The following SGCZ variants were observed in gnomAD, a reference collection of about 807,000 sequenced individuals.
The protein encoded by SGCZ is sarcoglycan zeta.
A neutral mutation model predicts 41.3 loss-of-function variants in SGCZ; 40 were observed. That is an observed-to-expected ratio of 0.97 (90% CI 0.75 to 1.26). The LOEUF (loss-of-function observed/expected upper bound fraction) is 1.26. Ranked by LOEUF, SGCZ falls within the 50% of genes most tolerant of loss-of-function variation. The pLI, the probability that SGCZ is intolerant of heterozygous loss-of-function variation, is 0.00. For synonymous variants in SGCZ, 206 were observed against 137.5 expected (o/e 1.50, Z -3.49); for missense variants, 552 against 369.8 (o/e 1.49, Z -4.04).
intron 1 of SGCZ, among the ~76,000 whole-genome samples, chr8:15,016,020 T>C (rs1292948204): frequency 2.0e-5 from 3 of 152,122 alleles, no homozygotes; most frequent in African/African-American, 4.8e-5. Flanking sequence ...TTACATTCAT[T>C]TGACAGCCTT....
intron 3 of SGCZ, among the ~76,000 whole-genome samples, chr8:14,276,970 T>C (rs1800257507): frequency 6.6e-6 from 1 of 152,182 alleles, no homozygotes; most frequent in Non-Finnish European, 1.5e-5. Flanking sequence ...AACGGGGCCT[T>C]TTGGCCCCTA....
chr8:15,037,537 G>C (rs959086781), intron 1 of SGCZ, among the ~76,000 whole-genome samples: 1 of 152,114 alleles, frequency 6.6e-6, no homozygotes, highest in South Asian at 2.1e-4. Flanking sequence ...GGAAAATGTT[G>C]AAAGTTTTCC....
intron 2 of SGCZ, among the ~76,000 whole-genome samples, chr8:14,475,214 G>C (rs1801323888): frequency 6.6e-6 from 1 of 151,972 alleles, no homozygotes; most frequent in Non-Finnish European, 1.5e-5. Context: ...AAAATGTATA[G>C]TTTTATTTGC....
intron 4 of SGCZ, among the ~76,000 whole-genome samples, chr8:14,174,674 A>ACTGAC (rs1199267229): frequency 6.6e-6 from 1 of 152,156 alleles, no homozygotes; most frequent in Non-Finnish European, 1.5e-5. Flanking sequence ...TTAACCTAAT[A>ACTGAC]CTGACCTCTC....
chr8:14,233,244 T>C (rs1806636174), intron 4 of SGCZ, among the ~76,000 whole-genome samples: 1 of 151,976 alleles, frequency 6.6e-6, no homozygotes, highest in Non-Finnish European at 1.5e-5. Flanking sequence ...TTTTTAGCTA[T>C]TACTTCATCA....
intron 2 of SGCZ, among the ~76,000 whole-genome samples, chr8:14,396,445 A>G (rs1798922952): frequency 6.6e-6 from 1 of 152,146 alleles, no homozygotes; most frequent in African/African-American, 2.4e-5. Flanking sequence ...GAATTTGATC[A>G]CTTAGGCGTG....
intron 1 of SGCZ, chr8:14,879,401 G>C (rs1248900754): frequency 1.3e-5 from 2 of 151,862 alleles, no homozygotes; most frequent in Non-Finnish European, 2.9e-5. Flanking sequence ...ACTAATCATA[G>C]AACTAGAAAA....
intron 1 of SGCZ, among the ~76,000 whole-genome samples, chr8:15,024,501 A>G (rs977352558): frequency 6.6e-6 from 1 of 152,206 alleles, no homozygotes; most frequent in Non-Finnish European, 1.5e-5. Flanking sequence ...AAATTGAAGA[A>G]CTAGAGACAA....
At chr8:14,438,525 ATGCT>A (rs2117359700) in intron 2 of SGCZ, among the ~76,000 whole-genome samples, 1 of 152,146 alleles carries the variant, frequency 6.6e-6, no homozygotes, top group African/African-American at 2.4e-5. Context: ...AGACTTGTAC[ATGCT>A]TGGAGAACCT....
At chr8:14,414,277 T>A (rs1799438015) in intron 2 of SGCZ, among the ~76,000 whole-genome samples, 1 of 151,882 alleles carries the variant, frequency 6.6e-6, no homozygotes, top group South Asian at 2.1e-4. Context: ...TAATTCATTA[T>A]CAGTTGTTTA....
intron 2 of SGCZ, among the ~76,000 whole-genome samples, chr8:14,334,752 C>A (rs989131439): frequency 6.6e-6 from 1 of 152,052 alleles, no homozygotes; most frequent in Non-Finnish European, 1.5e-5. Context: ...GCCATCTGAA[C>A]AAACTATGGT....
chr8:14,333,643 C>T (rs991849300), intron 2 of SGCZ, among the ~76,000 whole-genome samples: 5 of 152,100 alleles, frequency 3.3e-5, no homozygotes, highest in Non-Finnish European at 7.4e-5. Flanking sequence ...GAGAAACACA[C>T]TGTGTCTAAT....
chr8:15,063,813 T>A (rs1167281529), intron 1 of SGCZ, among the ~76,000 whole-genome samples: 2 of 152,214 alleles, frequency 1.3e-5, no homozygotes, highest in East Asian at 3.8e-4. Flanking sequence ...TTAGTACTTT[T>A]AAAATTTAAC....
At chr8:14,770,464 A>G (rs1366416926) in intron 1 of SGCZ, among the ~76,000 whole-genome samples, 1 of 151,818 alleles carries the variant, frequency 6.6e-6, no homozygotes, top group Admixed American at 6.6e-5. Flanking sequence ...AGGTAAACTC[A>G]TGTATGATTG....
intron 1 of SGCZ, among the ~76,000 whole-genome samples, chr8:14,733,028 C>T (rs1338804777): frequency 2.0e-5 from 3 of 152,148 alleles, no homozygotes; most frequent in Non-Finnish European, 4.4e-5. Context: ...ACTGTGCTCT[C>T]AGGGACGCTC....
chr8:14,597,276 A>G (rs1805442039), intron 1 of SGCZ, among the ~76,000 whole-genome samples: 1 of 152,216 alleles, frequency 6.6e-6, no homozygotes, highest in Non-Finnish European at 1.5e-5. Flanking sequence ...GGTGTGTGGC[A>G]CTATGTGAAG....
chr8:14,444,066 C>T (rs1800355536), intron 2 of SGCZ, among the ~76,000 whole-genome samples: 2 of 152,286 alleles, frequency 1.3e-5, no homozygotes, highest in African/African-American at 2.4e-5. Context: ...AAAAAATGCT[C>T]ATCATCACTG....
intron 1 of SGCZ, among the ~76,000 whole-genome samples, chr8:14,931,555 C>G (rs926399611): frequency 6.6e-6 from 1 of 151,820 alleles, no homozygotes; most frequent in Non-Finnish European, 1.5e-5. Flanking sequence ...TTTTTAGCAA[C>G]CTGGCTTTTG....
At position 14,136,455 on chromosome 8, in the gene SGCZ, C is replaced by T. The variant is rs187237235; in HGVS notation, c.547+28125G>A. The stretch of plus-strand genomic sequence containing the variant: ...TTGGGACACTCCTGCCCTAATACTG[C>T]GCTTTTCCAATGGTCTTAGCAAATG... On this transcript the variant is annotated intron_variant, in intron 5 of 7. Transcript: ENST00000382080. Among the ~76,000 whole-genome samples the T allele has an allele frequency of 3.0e-3, 462 of 152,210 alleles. 2 individuals are homozygous for T. Among genetic ancestry groups the T allele is most frequent in the Non-Finnish European group, 4.5e-3 (309 of 68,016 alleles).
Sources: gnomAD v4.1 joint callset for allele counts (sites outside exome capture counted in the v4.1 genomes callset) on GRCh38, gnomAD v4.1.1 for gene constraint, MANE v1.5 for transcripts, NCBI Gene and HGNC (gene_info 2026-07-23, HGNC 2026-07-21) for gene names.